COTL1: variants seen among roughly 807,000 people sequenced by gnomAD.
COTL1 encodes coactosin like F-actin binding protein 1, also known as coactosin-like protein.
A neutral mutation model predicts 16.5 loss-of-function variants in COTL1; 15 were observed. The ratio of observed to expected loss-of-function variants is 0.91; its 90% CI spans 0.61 to 1.40. The LOEUF is 1.40. Among genes scored for constraint, COTL1 ranks in the 40% most tolerant of loss-of-function variants. COTL1 has a pLI of 0.00. For synonymous variants in COTL1, 112 were observed against 85.3 expected (o/e 1.31, Z -1.73); for missense variants, 220 against 201.5 (o/e 1.09, Z -0.56).
At chr16:84,584,189 G>T (rs144453322) in intron 3 of COTL1, among the ~76,000 whole-genome samples, 1 of 152,376 alleles carries the variant, frequency 6.6e-6, no homozygotes, top group East Asian at 1.9e-4. Context: ...AGCCGTGCGT[G>T]CTGTGCGTTC....
At chr16:84,591,974 A>G (rs1904881067) in intron 2 of COTL1, among the ~76,000 whole-genome samples, 1 of 152,226 alleles carries the variant, frequency 6.6e-6, no homozygotes, top group Non-Finnish European at 1.5e-5. Flanking sequence ...AAATTGTTCA[A>G]CATCAGCTCA....
In COTL1 at chr16:84,590,265, G is replaced by A; in HGVS notation, c.161-3C>T. On this transcript the variant is annotated splice_region_variant and splice_polypyrimidine_tract_variant and intron_variant, in intron 2 of 3. Transcript: ENST00000262428. This position sits in a 1 kb window ranked among gnomAD's most constrained non-coding sequence, Gnocchi z 5.5. ...GAAGGCAAACAACCGGACGTCATCT[G>A]TGGCCAAAAGCGAAAAGAGAACATG... is the stretch of plus-strand genomic sequence containing the variant. 6.2e-7 allele frequency: 1 copy of A among 1,613,572 alleles called. No individual in the cohort carries two copies. Among genetic ancestry groups the A allele is most frequent in the Non-Finnish European group, 8.5e-7 (1 of 1,179,528 alleles).
At chr16:84,598,840 G>GT (rs1408135397) in intron 2 of COTL1, among the ~76,000 whole-genome samples, 1 of 149,188 alleles carries the variant, frequency 6.7e-6, no homozygotes, top group East Asian at 2.0e-4. Context: ...GGAGCAAGCA[G>GT]GGGGGGTCCA....
intron 2 of COTL1, among the ~76,000 whole-genome samples, chr16:84,614,492 G>T (rs923566979): frequency 1.3e-5 from 2 of 152,086 alleles, no homozygotes; most frequent in African/African-American, 4.8e-5. Flanking sequence ...GGAAAGCCGT[G>T]GGGGAGGAAG....
At chr16:84,603,891 A>G (rs1905153914) in intron 2 of COTL1, among the ~76,000 whole-genome samples, 1 of 151,784 alleles carries the variant, frequency 6.6e-6, no homozygotes. Context: ...AGGAAAACCC[A>G]GAGGCCTCAC....
intron 2 of COTL1, among the ~76,000 whole-genome samples, chr16:84,598,468 C>T (rs992298305): frequency 6.6e-6 from 1 of 152,196 alleles, no homozygotes; most frequent in Non-Finnish European, 1.5e-5. Flanking sequence ...AGCATCCTAA[C>T]GTTCTCAGGA....
chr16:84,577,756 A>G (rs904582915), intron 3 of COTL1, among the ~76,000 whole-genome samples: 2 of 152,174 alleles, frequency 1.3e-5, no homozygotes, highest in Non-Finnish European at 2.9e-5. Context: ...CAGGGTAACC[A>G]TCTAATGAAG....
At chr16:84,603,569 C>T (rs988204157) in intron 2 of COTL1, among the ~76,000 whole-genome samples, 16 of 148,406 alleles carry the variant, frequency 1.1e-4, no homozygotes, top group African/African-American at 4.0e-4. Flanking sequence ...GCCTGGCACA[C>T]AGGAAGTGTT....
intron 2 of COTL1, chr16:84,596,380 A>G (rs1905005477): frequency 6.6e-6 from 1 of 152,240 alleles, no homozygotes; most frequent in African/African-American, 2.4e-5. Context: ...CAGTTTCCTC[A>G]TCCACAAAAT....
At chr16:84,592,442 T>C (rs1445472604) in intron 2 of COTL1, among the ~76,000 whole-genome samples, 1 of 152,144 alleles carries the variant, frequency 6.6e-6, no homozygotes, top group Non-Finnish European at 1.5e-5. Flanking sequence ...CACCTAATGA[T>C]ATCGTAGAGC....
intron 2 of COTL1, among the ~76,000 whole-genome samples, chr16:84,612,953 G>A (rs1567541575): frequency 6.6e-6 from 1 of 151,884 alleles, no homozygotes; most frequent in Non-Finnish European, 1.5e-5. Flanking sequence ...CAATGAGTGA[G>A]AAGCAGAGCG....
chr16:84,612,572 C>G (rs905550904), intron 2 of COTL1, among the ~76,000 whole-genome samples: 1 of 152,132 alleles, frequency 6.6e-6, no homozygotes, highest in Non-Finnish European at 1.5e-5. Context: ...CACCTGAGGT[C>G]AGGAGTTTGA....
At chr16:84,614,589 G>C (rs567351807) in intron 2 of COTL1, among the ~76,000 whole-genome samples, 1 of 152,200 alleles carries the variant, frequency 6.6e-6, no homozygotes, top group East Asian at 1.9e-4. Flanking sequence ...GGGGAGGGTT[G>C]GGAGAAGAGC....
chr16:84,598,167 C>G (rs1363612546), intron 2 of COTL1, among the ~76,000 whole-genome samples: 1 of 152,166 alleles, frequency 6.6e-6, no homozygotes. Context: ...CTATGGATGC[C>G]CTCCCCTTCC....
intron 2 of COTL1, among the ~76,000 whole-genome samples, chr16:84,599,876 G>C (rs369425133): frequency 3.9e-5 from 6 of 152,354 alleles, no homozygotes; most frequent in African/African-American, 1.4e-4. Flanking sequence ...CTGCTGCCCA[G>C]AGCAAGGGGA....
chr16:84,597,298 G>A (rs1156348779), intron 2 of COTL1, among the ~76,000 whole-genome samples: 1 of 152,186 alleles, frequency 6.6e-6, no homozygotes, highest in Non-Finnish European at 1.5e-5. Flanking sequence ...TCTGCACACT[G>A]CAGATTCTTC....
At chr16:84,589,015 G>A (rs893664514) in intron 3 of COTL1, among the ~76,000 whole-genome samples, 3 of 151,882 alleles carry the variant, frequency 2.0e-5, no homozygotes, top group African/African-American at 7.3e-5. Flanking sequence ...CTGTTGCCCA[G>A]GCTGGAGTGC....
chr16:84,602,373 A>G (rs1905119536), intron 2 of COTL1, among the ~76,000 whole-genome samples: 1 of 151,488 alleles, frequency 6.6e-6, no homozygotes, highest in South Asian at 2.1e-4. Context: ...CCTGGGCCAC[A>G]GTGAGACTCT....
At chr16:84,613,285 C>A (rs1489526848) in intron 2 of COTL1, among the ~76,000 whole-genome samples, 3 of 152,152 alleles carry the variant, frequency 2.0e-5, no homozygotes, top group Non-Finnish European at 4.4e-5. Context: ...CAGGCATGAG[C>A]CACGGCGCCC....
Sources: gnomAD v4.1 joint callset for allele counts (sites outside exome capture counted in the v4.1 genomes callset) on GRCh38, gnomAD v4.1.1 for gene constraint, Gnocchi (gnomAD v3.1) non-coding constraint, MANE v1.5 for transcripts, NCBI Gene and HGNC (gene_info 2026-07-23, HGNC 2026-07-21) for gene names.